EHMT1: variants seen among roughly 807,000 people sequenced by gnomAD.
EHMT1 encodes the protein euchromatic histone lysine methyltransferase 1, also known as histone-lysine N-methyltransferase EHMT1.
EHMT1 carries 15 observed loss-of-function variants against 147.2 expected under a neutral mutation model. That is an observed-to-expected ratio of 0.10 (90% CI 0.07 to 0.16). The LOEUF is 0.16. EHMT1 is among the 10% of genes least tolerant of loss of function. The pLI is 1.00. For missense variants in EHMT1, 1,587 were observed against 1,772.4 expected, an observed-to-expected ratio of 0.90 and a Z score of 1.88; for synonymous variants, 795 against 709.6, an observed-to-expected ratio of 1.12 and a Z score of -1.91.
chr9:137,789,516 G>T (rs1952334393), intron 15 of EHMT1, among the ~76,000 whole-genome samples: 1 of 152,154 alleles, frequency 6.6e-6, no homozygotes, highest in African/African-American at 2.4e-5. Flanking sequence ...GTAGACTTCT[G>T]ACGCTACTTT....
chr9:137,696,739 G>C (rs1009172583), intron 1 of EHMT1, among the ~76,000 whole-genome samples: 47 of 152,166 alleles, frequency 3.1e-4, no homozygotes, highest in Admixed American at 3.0e-3. Flanking sequence ...TGCCGTCATG[G>C]GGGTATCTTC....
chr9:137,715,495 G>T, intron 2 of EHMT1: 1 of 971,912 alleles, frequency 1.0e-6, no homozygotes, highest in Non-Finnish European at 1.2e-6. Flanking sequence ...GATCAGGTCT[G>T]TTGTGCTCGA....
Position 137,732,178 on chromosome 9 carries a change from C to T in EHMT1, c.823+3649C>T, listed in dbSNP as rs117580413. 0.034 allele frequency among the ~76,000 whole-genome samples: 5,162 copies of T among 152,302 alleles called. 109 individuals are homozygous for T. The highest frequency in any genetic ancestry group is 0.049 in the Non-Finnish European group (3,355 of 68,016). On this transcript the variant is annotated intron_variant, in intron 4 of 26. Transcript: ENST00000460843. The surrounding 1 kb of genome is among the most constrained non-coding windows in gnomAD (Gnocchi z 4.6). ...CACACGGGGCAGCCGCCGACACCAG[C>T]GGAGGGCAGGAGGGCTACAGTGTTA...
chr9:137,669,410 C>A (rs1452570803), intron 1 of EHMT1, among the ~76,000 whole-genome samples: 1 of 150,640 alleles, frequency 6.6e-6, no homozygotes, highest in Non-Finnish European at 1.5e-5. Context: ...ACAGCACGTG[C>A]ACTCCACGAC....
chr9:137,711,464 G>A lies in EHMT1; in HGVS notation c.85+434G>A, dbSNP rs146794508. The stretch of plus-strand genomic sequence containing the variant: ...GAGCACACAGCATGACTGACGCCGC[G>A]CCATGGATGAAGCTTTTGTACGGTT... On this transcript the variant is annotated intron_variant, in intron 2 of 26. Coordinates refer to ENST00000460843, the MANE Select transcript of EHMT1 (RefSeq NM_024757.5). Among the ~76,000 whole-genome samples, 1,250 of 152,252 alleles carry A rather than the reference G, an allele frequency of 8.2e-3. 9 individuals are homozygous for A. Among genetic ancestry groups the A allele is most frequent in the African/African-American group, 0.016 (648 of 41,544 alleles).
chr9:137,800,647 T>C, intron 17 of EHMT1: 1 of 573,364 alleles, frequency 1.7e-6, no homozygotes, highest in Non-Finnish European at 3.1e-6. Flanking sequence ...CGGGCAGGGT[T>C]GTTGGGCCTG....
intron 1 of EHMT1, among the ~76,000 whole-genome samples, chr9:137,662,763 C>T (rs374801245): frequency 1.4e-5 from 2 of 146,704 alleles, no homozygotes; most frequent in East Asian, 4.0e-4. Context: ...TGAGCCACCG[C>T]GGCTGGCCTG....
In EHMT1 at chr9:137,782,458, T is replaced by C; in HGVS notation, c.2382+61T>C. The C allele has an allele frequency of 6.9e-7, 1 of 1,454,988 alleles. No individual in the cohort carries two copies. The highest frequency in any genetic ancestry group is 9.3e-7 in the Non-Finnish European group (1 of 1,069,700). 90.1% of individuals were successfully genotyped at this position (1,454,988 alleles called of 1,614,324 possible). A position where few individuals can be genotyped will look rare whatever the true frequency, so the allele number is the denominator to read the frequency against. ...CTGCTCTCTTTTATTTTTACCAAAGTAAAATCATACCACGTTCGCGGTTCT... is the reference window on the plus strand; with the variant it reads ...CTGCTCTCTTTTATTTTTACCAAAGCAAAATCATACCACGTTCGCGGTTCT... On this transcript the variant is annotated intron_variant, in intron 15 of 26. Coordinates refer to ENST00000460843, the MANE Select transcript of EHMT1 (RefSeq NM_024757.5). The surrounding 1 kb of genome is among the most constrained non-coding windows in gnomAD (Gnocchi z 5.7).
chr9:137,656,146 G>A (rs1460726229), intron 1 of EHMT1, among the ~76,000 whole-genome samples: 1 of 152,152 alleles, frequency 6.6e-6, no homozygotes, highest in African/African-American at 2.4e-5. Flanking sequence ...TTGAGAGGCC[G>A]AGGTGGGCGG....
intron 1 of EHMT1, among the ~76,000 whole-genome samples, chr9:137,698,608 C>T (rs1283396878): frequency 6.6e-6 from 1 of 152,088 alleles, no homozygotes; most frequent in Non-Finnish European, 1.5e-5. Context: ...TCCTTCCTGC[C>T]AGCCTGGAAC....
chr9:137,791,102 G>A, intron 16 of EHMT1, 132 bp downstream of exon 16: 1 of 1,461,130 alleles, frequency 6.8e-7, no homozygotes. Flanking sequence ...TCCAGAAATA[G>A]TTCCTTCATC....
Position 137,835,126 on chromosome 9 carries a change from C to T in EHMT1, c.*173C>T. 5 of 706,150 alleles carry T rather than the reference C, an allele frequency of 7.1e-6. No individual in the cohort carries two copies. The highest frequency in any genetic ancestry group is 8.2e-6 in the Non-Finnish European group (4 of 487,198). 43.7% of individuals were successfully genotyped at this position (706,150 alleles called of 1,614,324 possible). ...CCCCTGCGGGCGGGTGTGGATGCCT[C>T]CCAGCCACCTTCCCAGACCTGCGGC... On this transcript the variant is annotated 3_prime_UTR_variant, in exon 27 of 27. Coordinates refer to ENST00000460843, the MANE Select transcript of EHMT1 (RefSeq NM_024757.5).
chr9:137,675,818 C>A, intron 1 of EHMT1, among the ~76,000 whole-genome samples: 1 of 117,606 alleles, frequency 8.5e-6, no homozygotes. Context: ...GAGTCTCGCT[C>A]TGTCGCCCAG....
chr9:137,752,549 C>A, intron 7 of EHMT1, 141 bp downstream of exon 7: 1 of 944,888 alleles, frequency 1.1e-6, no homozygotes, highest in Non-Finnish European at 1.6e-6. Context: ...GTGATGGCCA[C>A]AGATGGGTCC....
intron 1 of EHMT1, among the ~76,000 whole-genome samples, chr9:137,635,777 G>A (rs1317140229): frequency 6.6e-5 from 10 of 151,334 alleles, no homozygotes; most frequent in Admixed American, 1.3e-4. Flanking sequence ...CTGAGATGGT[G>A]CCACTGCTCT....
At chr9:137,706,822 C>CAT (rs918224839) in intron 1 of EHMT1, among the ~76,000 whole-genome samples, 25 of 151,656 alleles carry the variant, frequency 1.6e-4, no homozygotes, top group African/African-American at 4.1e-4. Context: ...ATCTTTTATA[C>CAT]ATATATATAT....
At chr9:137,725,698 T>C (rs1946555443) in intron 3 of EHMT1, among the ~76,000 whole-genome samples, 1 of 152,066 alleles carries the variant, frequency 6.6e-6, no homozygotes, top group African/African-American at 2.4e-5. Flanking sequence ...GGCAGCAAGA[T>C]GCGCTCGAGA....
At chr9:137,744,478 C>T (rs995028767) in intron 6 of EHMT1, among the ~76,000 whole-genome samples, 4 of 151,930 alleles carry the variant, frequency 2.6e-5, no homozygotes, top group Non-Finnish European at 5.9e-5. Context: ...GCCACCATGC[C>T]TGGCTAATTT....
chr9:137,801,006 C>T lies in EHMT1; in HGVS notation c.2712+22C>T, dbSNP rs760139282. 4.5e-5 allele frequency: 73 copies of T among 1,608,988 alleles called. 1 individual carries two copies. In the South Asian group the frequency reaches 5.7e-4, roughly 13 times the overall value. ...CAACGTAAGTTCGTCACACCCTCCC[C>T]GGGAGCCGTGTCCTGGAGGGGTGGG... On this transcript the variant is annotated intron_variant, in intron 18 of 26. Coordinates refer to ENST00000460843, the MANE Select transcript of EHMT1 (RefSeq NM_024757.5).
Sources: allele counts gnomAD v4.1 joint callset (sites outside exome capture counted in the v4.1 genomes callset), GRCh38; gene constraint gnomAD v4.1.1; non-coding constraint Gnocchi (gnomAD v3.1); transcripts MANE v1.5; gene names NCBI Gene and HGNC (gene_info 2026-07-23, HGNC 2026-07-21).